The following NAALADL2 variants were observed in gnomAD, a reference collection of about 807,000 sequenced individuals.
NAALADL2 encodes the protein N-acetylated alpha-linked acidic dipeptidase like 2.
A neutral mutation model predicts 87.2 loss-of-function variants in NAALADL2; 76 were observed. That is an observed-to-expected ratio of 0.87 (90% CI 0.72 to 1.05). The LOEUF is 1.05. Ranked by LOEUF, NAALADL2 falls within the 50% of genes least tolerant of loss-of-function variation. The probability of loss-of-function intolerance (pLI) is 0.00; values close to 1 mark genes in which losing one functional copy is unlikely to be tolerated. For missense variants in NAALADL2, 1,089 were observed against 945.8 expected, an observed-to-expected ratio of 1.15 and a Z score of -1.99; for synonymous variants, 354 against 331.0, an observed-to-expected ratio of 1.07 and a Z score of -0.75.
chr3:174,610,833 A>G (rs1414237864), intron 2 of NAALADL2, among the ~76,000 whole-genome samples: 2 of 152,196 alleles, frequency 1.3e-5, no homozygotes, highest in African/African-American at 2.4e-5. Context: ...CCAAAGGACT[A>G]TAAATCATGC....
chr3:174,834,958 T>C (rs962446797), intron 3 of NAALADL2, among the ~76,000 whole-genome samples: 2 of 151,906 alleles, frequency 1.3e-5, no homozygotes, highest in African/African-American at 2.4e-5. Flanking sequence ...TATGTAAATG[T>C]GAAATTTCTA....
chr3:175,433,807 T>C (rs1241094791), intron 5 of NAALADL2, among the ~76,000 whole-genome samples: 1 of 152,032 alleles, frequency 6.6e-6, no homozygotes, highest in African/African-American at 2.4e-5. Flanking sequence ...AGAACTTTTA[T>C]GTAAGAAAAT....
chr3:174,942,314 A>G (rs55864006), intron 1 of NAALADL2, among the ~76,000 whole-genome samples: 13,654 of 152,112 alleles, frequency 0.09, 1,060 homozygotes, highest in African/African-American at 0.21. Context: ...TGGATATGAA[A>G]TTGTTGGTTG....
At chr3:175,592,908 A>G (rs1257352332) in intron 10 of NAALADL2, among the ~76,000 whole-genome samples, 2 of 152,134 alleles carry the variant, frequency 1.3e-5, no homozygotes, top group Non-Finnish European at 2.9e-5. Context: ...AATAAAAAAA[A>G]GAAAAAAAAG....
At chr3:175,002,022 G>A (rs1748299247) in intron 1 of NAALADL2, among the ~76,000 whole-genome samples, 1 of 152,088 alleles carries the variant, frequency 6.6e-6, no homozygotes, top group Non-Finnish European at 1.5e-5. Flanking sequence ...GCCCAAAATA[G>A]GTAATAAAAT....
At chr3:175,788,733 G>A (rs114240709) in intron 13 of NAALADL2, among the ~76,000 whole-genome samples, 2,884 of 152,304 alleles carry the variant, frequency 0.019, 54 homozygotes, top group South Asian at 0.099. Flanking sequence ...GTCATGGCTA[G>A]ATGGTCACAT....
intron 2 of NAALADL2, among the ~76,000 whole-genome samples, chr3:174,704,208 C>T (rs1729846692): frequency 6.6e-6 from 1 of 152,068 alleles, no homozygotes; most frequent in Non-Finnish European, 1.5e-5. Context: ...CCAGTGCTAT[C>T]AACTCACTAC....
intron 1 of NAALADL2, among the ~76,000 whole-genome samples, chr3:174,905,758 G>C (rs1732883583): frequency 6.6e-6 from 1 of 151,988 alleles, no homozygotes; most frequent in Non-Finnish European, 1.5e-5. Flanking sequence ...CTCTATTGTG[G>C]TATCTGATGT....
chr3:175,024,165 T>G (rs1386079877), intron 1 of NAALADL2, among the ~76,000 whole-genome samples: 1 of 152,102 alleles, frequency 6.6e-6, no homozygotes, highest in Non-Finnish European at 1.5e-5. Context: ...ACATGATTTT[T>G]GTAAACCACG....
At chr3:174,901,078 CATTTT>C (rs1483737253) in intron 1 of NAALADL2, among the ~76,000 whole-genome samples, 4 of 152,010 alleles carry the variant, frequency 2.6e-5, no homozygotes, top group African/African-American at 9.6e-5. Flanking sequence ...CTAATTTGAC[CATTTT>C]ATTTATTTAA....
At chr3:174,598,180 T>C (rs1445791993) in intron 2 of NAALADL2, among the ~76,000 whole-genome samples, 1 of 152,170 alleles carries the variant, frequency 6.6e-6, no homozygotes, top group African/African-American at 2.4e-5. Context: ...TAGCCATTGG[T>C]AAACATCATT....
At chr3:175,636,382 A>G (rs912452002) in intron 11 of NAALADL2, among the ~76,000 whole-genome samples, 3 of 152,046 alleles carry the variant, frequency 2.0e-5, no homozygotes, top group African/African-American at 7.2e-5. Flanking sequence ...TTTACCTTTA[A>G]AGAGGTGGGT....
intron 5 of NAALADL2, among the ~76,000 whole-genome samples, chr3:175,399,051 T>TA (rs1770209234): frequency 6.6e-6 from 1 of 151,128 alleles, no homozygotes; most frequent in South Asian, 2.1e-4. Flanking sequence ...GTTAAAAAAA[T>TA]AAAAAATAAA....
rs1354914671 is a variant in NAALADL2, at chr3:175,083,385, A to T, written c.44-13405A>T. On this transcript the variant is annotated intron_variant, in intron 1 of 13. Transcript: ENST00000454872. ...TGGGCGTGTGCATACATGTGAAAGA[A>T]TGATTCATTTAATTAACGTTAACCA... Among the ~76,000 whole-genome samples, 4 of 152,242 alleles carry T rather than the reference A, an allele frequency of 2.6e-5. No individual in the cohort carries two copies. In the East Asian group the frequency reaches 5.8e-4, roughly 22 times the overall value.
intron 3 of NAALADL2, among the ~76,000 whole-genome samples, chr3:174,779,530 T>A (rs1338280046): frequency 6.6e-6 from 1 of 152,210 alleles, no homozygotes; most frequent in Non-Finnish European, 1.5e-5. Context: ...TTTGGTGTTT[T>A]AGTCATGAAG....
At chr3:175,314,675 T>TAC (rs1409307316) in intron 4 of NAALADL2, among the ~76,000 whole-genome samples, 19 of 2,448 alleles carry the variant, frequency 7.8e-3, no homozygotes, top group African/African-American at 0.06. Flanking sequence ...ACTATATATA[T>TAC]ATATATATAT....
intron 6 of NAALADL2, among the ~76,000 whole-genome samples, chr3:175,448,217 C>T (rs1186212132): frequency 2.6e-5 from 4 of 152,152 alleles, no homozygotes; most frequent in Non-Finnish European, 5.9e-5. Context: ...GATTGAGAGC[C>T]TCTAAACTGA....
At chr3:174,630,756 AG>A (rs1317045059) in intron 2 of NAALADL2, among the ~76,000 whole-genome samples, 2 of 152,286 alleles carry the variant, frequency 1.3e-5, no homozygotes, top group East Asian at 3.9e-4. Context: ...AGATTTTGAA[AG>A]CTGTAGCCTA....
At chr3:174,445,602 C>T (rs997068726) in intron 1 of NAALADL2, among the ~76,000 whole-genome samples, 8 of 152,084 alleles carry the variant, frequency 5.3e-5, no homozygotes, top group Non-Finnish European at 1.0e-4. Flanking sequence ...AAAAATTAAG[C>T]TCCCCTTCTA....
Sources: gnomAD v4.1 joint callset for allele counts (sites outside exome capture counted in the v4.1 genomes callset) on GRCh38, gnomAD v4.1.1 for gene constraint, MANE v1.5 for transcripts, NCBI Gene and HGNC (gene_info 2026-07-23, HGNC 2026-07-21) for gene names.